The following CBFB variants were observed in gnomAD, a reference collection of about 807,000 sequenced individuals.
The protein encoded by CBFB is core-binding factor subunit beta.
In CBFB, 9 loss-of-function variants were observed where a neutral mutation model predicts 30.4. The observed-to-expected ratio is 0.30, with a 90% CI of 0.18 to 0.52. CBFB has a LOEUF of 0.52. Among genes scored for constraint, CBFB ranks in the 20% least tolerant of loss-of-function variants. The pLI is 0.97. For synonymous variants in CBFB, 94 were observed against 84.0 expected, an observed-to-expected ratio of 1.12 and a Z score of -0.65; for missense variants, 170 against 244.0, an observed-to-expected ratio of 0.70 and a Z score of 2.02.
chr16:67,030,384 C>T (rs1345163934), intron 2 of CBFB, among the ~76,000 whole-genome samples: 1 of 151,928 alleles, frequency 6.6e-6, no homozygotes, highest in Admixed American at 6.6e-5. Context: ...TCCCCATGTC[C>T]TGAGTAGGGC....
chr16:67,029,753 G>A lies in CBFB; in HGVS notation c.105G>A (p.Arg35=). ...TTAAGTACACGGGCTTCAGGGACCG[G>A]CCCCACGAGGAACGCCAGGCACGCT... ...CEIKYTGFRD[R]PHEERQARFQ... The change falls in exon 2 of 6, where the codon CGG becomes CGA. Residue 35 remains arginine (R), a synonymous_variant. Transcript: ENST00000412916. 1.9e-6 allele frequency: 3 copies of A among 1,596,574 alleles called. No individual in the cohort carries two copies. Among genetic ancestry groups the A allele is most frequent in the African/African-American group, 1.4e-5 (1 of 72,580 alleles).
At chr16:67,076,629 A>G (rs963597105) in intron 4 of CBFB, among the ~76,000 whole-genome samples, 7 of 152,190 alleles carry the variant, frequency 4.6e-5, no homozygotes, top group African/African-American at 1.7e-4. Context: ...GTAGAGCAGC[A>G]CAGAAACTGA....
intron 3 of CBFB, among the ~76,000 whole-genome samples, chr16:67,056,173 A>G (rs1960717983): frequency 6.6e-6 from 1 of 152,210 alleles, no homozygotes; most frequent in African/African-American, 2.4e-5. Flanking sequence ...TTCACTGTTT[A>G]AAATGGCCCA....
intron 3 of CBFB, among the ~76,000 whole-genome samples, chr16:67,057,026 A>T (rs1960749432): frequency 6.6e-6 from 1 of 151,642 alleles, no homozygotes; most frequent in Non-Finnish European, 1.5e-5. Flanking sequence ...TCTTTCGCCC[A>T]GGCTGGGGTG....
chr16:67,045,449 G>A (rs1488184770), intron 3 of CBFB, among the ~76,000 whole-genome samples: 3 of 152,064 alleles, frequency 2.0e-5, no homozygotes, highest in African/African-American at 4.8e-5. Flanking sequence ...CCCGGGAGGC[G>A]GAGGTTGCAG....
intron 3 of CBFB, among the ~76,000 whole-genome samples, chr16:67,048,973 C>A (rs996603464): frequency 2.0e-5 from 3 of 151,610 alleles, no homozygotes; most frequent in African/African-American, 7.3e-5. Context: ...GCATGTGCCA[C>A]CATGCTTGGC....
chr16:67,054,005 C>T (rs548590918), intron 3 of CBFB, among the ~76,000 whole-genome samples: 19 of 152,110 alleles, frequency 1.2e-4, no homozygotes, highest in African/African-American at 4.1e-4. Flanking sequence ...GCATTTTGCC[C>T]TCAGGATCTT....
chr16:67,083,109 T>G (rs1961616636), intron 5 of CBFB, among the ~76,000 whole-genome samples: 1 of 151,934 alleles, frequency 6.6e-6, no homozygotes, highest in African/African-American at 2.4e-5. Flanking sequence ...AGCCCTGGAG[T>G]TTGAGGTTAC....
At chr16:67,097,545 C>CAAA (rs1416293585) in intron 5 of CBFB, among the ~76,000 whole-genome samples, 1 of 48,864 alleles carries the variant, frequency 2.0e-5, no homozygotes, top group Non-Finnish European at 4.3e-5. Context: ...AACTCCGTCT[C>CAAA]AAAAAAAAAA....
chr16:67,067,286 G>A (rs541167649), intron 4 of CBFB, among the ~76,000 whole-genome samples: 37 of 151,768 alleles, frequency 2.4e-4, no homozygotes, highest in Middle Eastern at 3.4e-3. Context: ...TGAGGCAGAC[G>A]GATCACCTGA....
chr16:67,045,324 T>C (rs1033466787), intron 3 of CBFB, among the ~76,000 whole-genome samples: 1 of 152,108 alleles, frequency 6.6e-6, no homozygotes, highest in Non-Finnish European at 1.5e-5. Flanking sequence ...GAGACCAGAC[T>C]GGCCAACGTG....
intron 4 of CBFB, among the ~76,000 whole-genome samples, chr16:67,077,284 C>T (rs1961427341): frequency 6.6e-6 from 1 of 152,016 alleles, no homozygotes; most frequent in Admixed American, 6.6e-5. Flanking sequence ...AAAATTGAAC[C>T]ATTATTGGAA....
At chr16:67,089,094 A>G (rs977522917) in intron 5 of CBFB, among the ~76,000 whole-genome samples, 2 of 152,290 alleles carry the variant, frequency 1.3e-5, no homozygotes, top group Middle Eastern at 6.8e-3. Flanking sequence ...CAGTAGTACA[A>G]TATTTTCTTT....
rs1043835702 is a variant in CBFB at position 67,072,484 on chromosome 16, C to G, written c.399+5686C>G. ...TTTTCTTTTTTTTTCTTTTTTTTTT[C>G]CAGACAGAGTCTTGCTCTCTCACCC... On this transcript the variant is annotated intron_variant, in intron 4 of 5. Transcript: ENST00000412916. 2.1e-5 allele frequency among the ~76,000 whole-genome samples: 3 copies of G among 141,626 alleles called. No homozygotes were observed. In the Admixed American group the frequency reaches 2.1e-4, roughly 10 times the overall value. 92.9% of individuals were successfully genotyped at this position (141,626 alleles called of 152,430 possible).
At chr16:67,097,397 T>C (rs373014039) in intron 5 of CBFB, among the ~76,000 whole-genome samples, 11 of 149,730 alleles carry the variant, frequency 7.3e-5, no homozygotes, top group African/African-American at 2.5e-4. Flanking sequence ...ACTACAAAAT[T>C]AGCCGGGCGT....
At chr16:67,058,128 GGTTGTT>G (rs59958780) in intron 3 of CBFB, among the ~76,000 whole-genome samples, 21 of 151,438 alleles carry the variant, frequency 1.4e-4, no homozygotes, top group African/African-American at 3.4e-4. Context: ...TATTCAAATC[GGTTGTT>G]GTTGTTGTTG....
At chr16:67,035,507 G>C (rs1966428244) in intron 2 of CBFB, among the ~76,000 whole-genome samples, 1 of 152,232 alleles carries the variant, frequency 6.6e-6, no homozygotes, top group Admixed American at 6.5e-5. Context: ...GAGGTTTAGA[G>C]ATTTAGCATT....
chr16:67,078,533 G>A (rs1027208928), intron 4 of CBFB, among the ~76,000 whole-genome samples: 1 of 152,076 alleles, frequency 6.6e-6, no homozygotes, highest in Non-Finnish European at 1.5e-5. Context: ...GCTTGAGAGC[G>A]AGACCCCTTC....
intron 3 of CBFB, among the ~76,000 whole-genome samples, chr16:67,053,609 G>A (rs1468488857): frequency 1.3e-5 from 2 of 151,846 alleles, no homozygotes. Context: ...CAGAATCTTA[G>A]GGTCAAGTCC....
Sources: gnomAD v4.1 joint callset for allele counts (sites outside exome capture counted in the v4.1 genomes callset) on GRCh38, gnomAD v4.1.1 for gene constraint, MANE v1.5 for transcripts, NCBI Gene and HGNC (gene_info 2026-07-23, HGNC 2026-07-21) for gene names.